Variants in RCC2 observed in about 807,000 individuals in gnomAD.
The protein encoded by RCC2 is regulator of chromosome condensation 2.
Under a neutral mutation model 64.1 loss-of-function variants are expected in RCC2, and 19 were observed. The ratio of observed to expected loss-of-function variants is 0.30; its 90% CI spans 0.21 to 0.44. The LOEUF (loss-of-function observed/expected upper bound fraction) is 0.44, where lower values mean the gene tolerates loss of function less well. Among genes scored for constraint, RCC2 ranks in the 20% least tolerant of loss-of-function variants. RCC2 has a pLI of 1.00. For synonymous variants in RCC2, 325 were observed against 279.6 expected, an observed-to-expected ratio of 1.16 and a Z score of -1.62; for missense variants, 508 against 710.4, an observed-to-expected ratio of 0.72 and a Z score of 3.24.
At chr1:17,439,129 C>A (rs1366318471) in intron 1 of RCC2, among the ~76,000 whole-genome samples, 13 of 152,178 alleles carry the variant, frequency 8.5e-5, no homozygotes, top group Admixed American at 3.9e-4. Context: ...CTGCCCCCGG[C>A]GACGGGGGAA....
chr1:17,410,260 C>T (rs1296441400), intron 11 of RCC2, among the ~76,000 whole-genome samples: 1 of 152,200 alleles, frequency 6.6e-6, no homozygotes, highest in Non-Finnish European at 1.5e-5. Context: ...AGGCGACTAG[C>T]GCTTAACCTA....
rs1381335752 is a variant in RCC2, at chr1:17,422,780, T to C, written c.580A>G (p.Arg194Gly). The C allele has an allele frequency of 6.2e-7, 1 of 1,614,040 alleles. No homozygotes were observed. Among genetic ancestry groups the C allele is most frequent in the Non-Finnish European group, 8.5e-7 (1 of 1,179,964 alleles). Residue 194 changes from arginine to glycine, a missense_variant, in exon 5 of 13, where the codon AGA becomes GGA. Physicochemically the swap from Arg to Gly is moderately radical, Grantham distance 125 (BLOSUM62 -2). This residue lies in a region of RCC2 where 132 missense variants were observed against 207.3 expected (regional missense o/e 0.64). Transcript: ENST00000375436. ...TCGTGGCTAAGACCCTCGATGAGTC[T>C]AGGGGCTTCTACTCTCTTGGTGTCA... ...HGDTKRVEAP[R>G]LIEGLSHEVI...
chr1:17,429,039 G>A, intron 3 of RCC2, 67 bp downstream of exon 3: 1 of 1,202,040 alleles, frequency 8.3e-7, no homozygotes, highest in South Asian at 1.2e-5. Flanking sequence ...TACCTACCAG[G>A]CAGGTGGTCA....
chr1:17,426,182 T>C (rs2075613985), intron 3 of RCC2, among the ~76,000 whole-genome samples: 1 of 151,782 alleles, frequency 6.6e-6, no homozygotes, highest in African/African-American at 2.4e-5. Flanking sequence ...TTTCCCAGGC[T>C]CTCCTGCCCT....
chr1:17,435,082 G>A (rs924449906), intron 2 of RCC2, among the ~76,000 whole-genome samples: 2 of 152,162 alleles, frequency 1.3e-5, no homozygotes, highest in Non-Finnish European at 2.9e-5. Flanking sequence ...CAGCCTGGGA[G>A]ACAGAGCAAG....
intron 2 of RCC2, among the ~76,000 whole-genome samples, chr1:17,434,268 C>CTT (rs1163779925): frequency 1.3e-5 from 2 of 152,228 alleles, no homozygotes; most frequent in Non-Finnish European, 2.9e-5. Context: ...AGCCTAGGGA[C>CTT]TTTCAGCCCC....
rs377500060 is a variant in RCC2, at chr1:17,413,549, C to G, written c.1195G>C (p.Val399Leu). The G allele has an allele frequency of 1.9e-6, 3 of 1,614,014 alleles. No homozygotes were observed. The highest frequency in any genetic ancestry group is 2.5e-6 in the Non-Finnish European group (3 of 1,179,910). Residue 399 changes from valine (V) to leucine (L), a missense_variant, in exon 9 of 13, where the codon GTC becomes CTC. Val to Leu is a conservative substitution (Grantham distance 32). Coordinates refer to ENST00000375436, the MANE Select transcript of RCC2 (RefSeq NM_018715.4). ...AGAAATCACTAACCCACTTCACTGA[C>G]AGCAAAGGAGCAGGTGTAACCAGCA... ...IYAGYTCSFA[V>L]SEVGGLFFWG...
At chr1:17,424,101 G>A (rs552029210) in intron 4 of RCC2, among the ~76,000 whole-genome samples, 12 of 152,334 alleles carry the variant, frequency 7.9e-5, no homozygotes, top group Admixed American at 5.2e-4. Flanking sequence ...ACTGAGATGC[G>A]GCAGGACAGG....
chr1:17,419,277 T>C (rs1227027543), intron 7 of RCC2, among the ~76,000 whole-genome samples: 1 of 152,134 alleles, frequency 6.6e-6, no homozygotes, highest in Non-Finnish European at 1.5e-5. Context: ...GAGAATTGCT[T>C]GAACCAAGGA....
rs752675417 is a variant in RCC2 at position 17,438,536 on chromosome 1, C to T, written c.-8-14G>A. 61 of 1,311,688 alleles carry T rather than the reference C, an allele frequency of 4.7e-5. No homozygotes were observed. Among genetic ancestry groups the T allele is most frequent in the Non-Finnish European group, 5.4e-5 (56 of 1,031,864 alleles). 81.3% of individuals were successfully genotyped at this position (1,311,688 alleles called of 1,614,324 possible). A position where few individuals can be genotyped will look rare whatever the true frequency, so the allele number is the denominator to read the frequency against. The stretch of plus-strand genomic sequence containing the variant: ...GCATGGTCGCGGCTGGAGGGAGACA[C>T]GGGGCAGCGGCGCACAATGGACGGG... On this transcript the variant is annotated splice_polypyrimidine_tract_variant and intron_variant, in intron 1 of 12. Coordinates refer to ENST00000375436, the MANE Select transcript of RCC2 (RefSeq NM_018715.4).
Position 17,438,225 on chromosome 1 carries a change from C to G in RCC2, c.285+5G>C. The G allele has an allele frequency of 7.7e-7, 1 of 1,295,676 alleles. No individual in the cohort carries two copies. The highest frequency in any genetic ancestry group is 1.8e-5 in the South Asian group (1 of 56,264). The allele number at this position is 1,295,676 out of a possible 1,614,324, so 80.3% of individuals were successfully genotyped here. Reference sequence around the variant, plus strand: ...GCCCACCCGTCTACCCTGACCCTCACTCACGACGCGCTCCTTGGTGTGCTC... The same window carrying G: ...GCCCACCCGTCTACCCTGACCCTCAGTCACGACGCGCTCCTTGGTGTGCTC... On this transcript the variant is annotated splice_donor_5th_base_variant and intron_variant, in intron 2 of 12. Coordinates refer to ENST00000375436, the MANE Select transcript of RCC2 (RefSeq NM_018715.4).
intron 11 of RCC2, 47 bp from the exon 12 acceptor site, chr1:17,410,098 A>G (rs1469360610): frequency 6.5e-7 from 1 of 1,535,544 alleles, no homozygotes. Context: ...CATGTGGCTC[A>G]GTCCACAAGT....
intron 7 of RCC2, among the ~76,000 whole-genome samples, chr1:17,418,213 ATTTTTTTT>A (rs751372153): frequency 7.8e-6 from 1 of 128,750 alleles, no homozygotes. Context: ...AGCAGGTTCT[ATTTTTTTT>A]TTTTTTTTTT....
intron 3 of RCC2, among the ~76,000 whole-genome samples, chr1:17,426,041 C>G (rs905350824): frequency 6.6e-6 from 1 of 152,108 alleles, no homozygotes; most frequent in South Asian, 2.1e-4. Context: ...GGACCTGGTG[C>G]GAGGTCTGTC....
At chr1:17,424,486 G>A (rs944991851) in intron 4 of RCC2, among the ~76,000 whole-genome samples, 6 of 152,194 alleles carry the variant, frequency 3.9e-5, no homozygotes, top group African/African-American at 9.6e-5. Context: ...TATGCCAACC[G>A]GGAGAAAACA....
intron 7 of RCC2, among the ~76,000 whole-genome samples, chr1:17,417,943 T>C (rs1295387309): frequency 6.6e-6 from 1 of 152,122 alleles, no homozygotes; most frequent in African/African-American, 2.4e-5. Flanking sequence ...GACCATACAG[T>C]AGAACTACTT....
At chr1:17,413,461 G>T in intron 9 of RCC2, 76 bp downstream of exon 9, 2 of 1,428,656 alleles carry the variant, frequency 1.4e-6, no homozygotes, top group Non-Finnish European at 9.7e-7. Flanking sequence ...ATTGGGGTTC[G>T]TGGTCTAGGG....
At position 17,422,183 on chromosome 1, in the gene RCC2, C is replaced by T. The variant is rs755009980; in HGVS notation, c.744+20G>A. 4.5e-6 allele frequency: 7 copies of T among 1,556,538 alleles called. No homozygotes were observed. The highest frequency in any genetic ancestry group is 2.7e-5 in the African/African-American group (2 of 72,886). ...AAAGAGAAACAAAAAGCCATGGAGC[C>T]GGAGCTGAGGAGGGGTCACCTGCGC... On this transcript the variant is annotated intron_variant, in intron 6 of 12. Coordinates refer to ENST00000375436, the MANE Select transcript of RCC2 (RefSeq NM_018715.4).
chr1:17,419,595 C>G (rs1335170892), intron 7 of RCC2, among the ~76,000 whole-genome samples: 1 of 152,232 alleles, frequency 6.6e-6, no homozygotes. Context: ...TTGAGTGTAA[C>G]TGAGCACCTG....
Sources: gnomAD v4.1 joint callset for allele counts (sites outside exome capture counted in the v4.1 genomes callset) on GRCh38, gnomAD v4.1.1 for gene constraint, gnomAD v4.1.1 regional missense constraint, MANE v1.5 for transcripts, NCBI Gene and HGNC (gene_info 2026-07-23, HGNC 2026-07-21) for gene names.